Variants in KCTD1 observed in about 807,000 individuals in gnomAD.
KCTD1 encodes the protein potassium channel tetramerization domain containing 1, also known as BTB/POZ domain-containing protein KCTD1.
Under a neutral mutation model 66.0 loss-of-function variants are expected in KCTD1, and 24 were observed. The observed-to-expected ratio is 0.36, with a 90% confidence interval of 0.26 to 0.51. The LOEUF (loss-of-function observed/expected upper bound fraction) is 0.51, where lower values mean the gene tolerates loss of function less well. KCTD1 is among the 20% of genes least tolerant of loss of function. The probability of loss-of-function intolerance (pLI) is 0.95; values close to 1 mark genes in which losing one functional copy is unlikely to be tolerated. For synonymous variants in KCTD1, 511 were observed against 517.2 expected, an observed-to-expected ratio of 0.99 and a Z score of 0.16; for missense variants, 943 against 1,205.2, an observed-to-expected ratio of 0.78 and a Z score of 3.22.
At position 26,547,655 on chromosome 18, in the gene KCTD1, G is replaced by A. The variant is rs1478381337; in HGVS notation, c.882C>T (p.Thr294=). 1 of 1,551,516 alleles carries A rather than the reference G, an allele frequency of 6.4e-7. No individual in the cohort carries two copies. Among genetic ancestry groups the A allele is most frequent in the African/African-American group, 1.4e-5 (1 of 73,074 alleles). ...ITRADLRKLY[T]SSVFSTNTPF... ...GCGTGTTGGTGCTGAAGACGCTGGAGGTGTACAGCTTGCGCAGGTCGGCGC... is the reference window on the plus strand; with the variant it reads ...GCGTGTTGGTGCTGAAGACGCTGGAAGTGTACAGCTTGCGCAGGTCGGCGC... The change falls in exon 1 of 5, where the codon ACC becomes ACT. Residue 294 remains threonine, a synonymous_variant. Coordinates refer to ENST00000580059, the MANE Select transcript of KCTD1 (RefSeq NM_001142730.3).
intron 1 of KCTD1, among the ~76,000 whole-genome samples, chr18:26,592,332 G>A (rs902429876): frequency 6.6e-6 from 1 of 152,174 alleles, no homozygotes; most frequent in African/African-American, 2.4e-5. Flanking sequence ...ACAGTGAAAT[G>A]GCAACATATG....
intron 3 of KCTD1, among the ~76,000 whole-genome samples, chr18:26,466,646 G>A (rs148033653): frequency 2.6e-5 from 4 of 152,300 alleles, no homozygotes; most frequent in East Asian, 1.9e-4. Context: ...GACAGAGATC[G>A]TTTTTATTGC....
intron 1 of KCTD1, among the ~76,000 whole-genome samples, chr18:26,594,573 G>A (rs1256449182): frequency 5.9e-5 from 9 of 152,168 alleles, no homozygotes; most frequent in African/African-American, 4.8e-5. Context: ...GCACAAATGC[G>A]TTGCAATCAG....
intron 2 of KCTD1, among the ~76,000 whole-genome samples, chr18:26,479,384 T>C (rs552642785): frequency 0.021 from 3,245 of 152,312 alleles, 39 homozygotes; most frequent in Middle Eastern, 0.071. Flanking sequence ...AGGCCCTGTC[T>C]CGGGGGCCCC....
Position 26,468,488 on chromosome 18 carries a change from A to C in KCTD1, c.2133+8027T>G, listed in dbSNP as rs1389642226. On this transcript the variant is annotated intron_variant, in intron 3 of 4. Coordinates refer to ENST00000580059, the MANE Select transcript of KCTD1 (RefSeq NM_001142730.3). This position sits in a 1 kb window ranked among gnomAD's most constrained non-coding sequence, Gnocchi z 4.8. ...CTAGGGAAAGAAGCAGGTAATCAAT[A>C]AACATTCTCCCTAACAAACTTAGTG... Among the ~76,000 whole-genome samples the C allele has an allele frequency of 6.6e-6, 1 of 152,156 alleles. No individual in the cohort carries two copies. Among genetic ancestry groups the C allele is most frequent in the Non-Finnish European group, 1.5e-5 (1 of 68,016 alleles).
In KCTD1 at chr18:26,476,701, T is replaced by C. The variant is rs762821372; in HGVS notation, c.1989-42A>G. On this transcript the variant is annotated intron_variant, in intron 2 of 4. Coordinates refer to ENST00000580059, the MANE Select transcript of KCTD1 (RefSeq NM_001142730.3). The surrounding 1 kb of genome is among the most constrained non-coding windows in gnomAD (Gnocchi z 4.9). ...GGAACAGTGAAGACAATTAGATCAA[T>C]TGTTCGGGCACTAGGACTAAGAGGT... 5.0e-6 allele frequency: 8 copies of C among 1,584,630 alleles called. No homozygotes were observed. The highest frequency in any genetic ancestry group is 5.2e-6 in the Non-Finnish European group (6 of 1,159,562).
chr18:26,551,306 G>A (rs1985559318), upstream of KCTD1, among the ~76,000 whole-genome samples: 1 of 152,180 alleles, frequency 6.6e-6, no homozygotes, highest in Non-Finnish European at 1.5e-5. Flanking sequence ...GGAAGGAGGT[G>A]GGGTGTAGCA....
intron 1 of KCTD1, among the ~76,000 whole-genome samples, chr18:26,512,270 A>AT (rs1157274425): frequency 3.3e-5 from 5 of 151,808 alleles, no homozygotes; most frequent in African/African-American, 9.7e-5. Context: ...CACCCAGCTA[A>AT]TTTTTTTATT....
At chr18:26,590,385 G>A (rs1048915856) in intron 1 of KCTD1, among the ~76,000 whole-genome samples, 14 of 152,090 alleles carry the variant, frequency 9.2e-5, no homozygotes, top group African/African-American at 2.7e-4. Context: ...CACCGTGCCC[G>A]GCTGTGAATG....
At chr18:26,459,589 T>A in intron 4 of KCTD1, 31 bp downstream of exon 4, 1 of 1,533,050 alleles carries the variant, frequency 6.5e-7, no homozygotes, top group Non-Finnish European at 8.8e-7. Flanking sequence ...GAGTGGCATT[T>A]GATGCCACAC....
chr18:26,633,799 G>A (rs992151604), upstream of KCTD1, among the ~76,000 whole-genome samples: 1 of 152,174 alleles, frequency 6.6e-6, no homozygotes, highest in African/African-American at 2.4e-5. Flanking sequence ...AAGTACTAAT[G>A]AGACATCATA....
Position 26,548,301 on chromosome 18 carries a change from T to C in KCTD1, c.236A>G (p.Glu79Gly). The C allele has an allele frequency of 1.3e-6, 2 of 1,500,782 alleles. No homozygotes were observed. The highest frequency in any genetic ancestry group is 1.3e-5 in the South Asian group (1 of 79,518). 93.0% of individuals were successfully genotyped at this position (1,500,782 alleles called of 1,614,324 possible). A position where few individuals can be genotyped will look rare whatever the true frequency, so the allele number is the denominator to read the frequency against. The change falls in exon 1 of 5, where the codon GAG (glutamate) becomes GGG (glycine). Residue 79 changes from glutamate (E) to glycine (G), a missense_variant. Physicochemically the swap from Glu to Gly is moderately conservative, Grantham distance 98. Transcript: ENST00000580059. Reference sequence around the variant, plus strand: ...CTCCTCCAGCCCCCCACCTCCGTCCTCCTCCTCCTCCTCGTCCCCCGTTAT... The same window carrying C: ...CTCCTCCAGCCCCCCACCTCCGTCCCCCTCCTCCTCCTCGTCCCCCGTTAT... ...VQITGDEEEE[E>G]DGGGGLEEDE... is the part of the protein sequence containing the mutation.
chr18:26,630,244 TA>T (rs1215548201), upstream of KCTD1, among the ~76,000 whole-genome samples: 3 of 152,192 alleles, frequency 2.0e-5, no homozygotes, highest in South Asian at 2.1e-4. Context: ...CCCCAGTTTT[TA>T]AAAAAATCCA....
intron 1 of KCTD1, among the ~76,000 whole-genome samples, chr18:26,532,198 TTCTGAG>T (rs1436889085): frequency 5.3e-5 from 8 of 152,054 alleles, no homozygotes; most frequent in African/African-American, 1.9e-4. Flanking sequence ...AGGAAAGAGA[TTCTGAG>T]TCTATGAGTC....
chr18:26,554,660 C>T (rs911851058), intron 1 of KCTD1, among the ~76,000 whole-genome samples: 8 of 152,194 alleles, frequency 5.3e-5, no homozygotes, highest in Non-Finnish European at 8.8e-5. Context: ...GCAGAGTAAA[C>T]TTAATGCAGT....
chr18:26,569,065 C>A (rs1165732325), intron 1 of KCTD1, among the ~76,000 whole-genome samples: 7 of 151,316 alleles, frequency 4.6e-5, no homozygotes, highest in Admixed American at 3.9e-4. Flanking sequence ...AGCTAAAGCA[C>A]TTGTAATAAT....
intron 1 of KCTD1, among the ~76,000 whole-genome samples, chr18:26,522,515 C>T (rs547785276): frequency 2.8e-4 from 42 of 152,172 alleles, no homozygotes; most frequent in Admixed American, 3.3e-4. Context: ...GTAAACCACT[C>T]AGTTTGTAGT....
chr18:26,519,331 G>C (rs1193147043), intron 1 of KCTD1, among the ~76,000 whole-genome samples: 1 of 152,176 alleles, frequency 6.6e-6, no homozygotes, highest in Admixed American at 6.5e-5. Context: ...ATATGCAAAA[G>C]ATGAGACTCT....
Position 26,455,660 on chromosome 18 carries a change from G to A in KCTD1, c.*83C>T. 6.3e-7 allele frequency: 1 copy of A among 1,581,036 alleles called. No individual in the cohort carries two copies. The highest frequency in any genetic ancestry group is 1.1e-5 in the South Asian group (1 of 89,054). ...TTTTACGTCCAGGACTTGGTTTGCT[G>A]TCCCAACTGCACATAAATGTCCCTT... is the stretch of plus-strand genomic sequence containing the variant. On this transcript the variant is annotated 3_prime_UTR_variant, in exon 5 of 5. Coordinates refer to ENST00000580059, the MANE Select transcript of KCTD1 (RefSeq NM_001142730.3).
Sources: gnomAD v4.1 joint callset for allele counts (sites outside exome capture counted in the v4.1 genomes callset) on GRCh38, gnomAD v4.1.1 for gene constraint, Gnocchi (gnomAD v3.1) non-coding constraint, MANE v1.5 for transcripts, NCBI Gene and HGNC (gene_info 2026-07-23, HGNC 2026-07-21) for gene names.